The following MEI4 variants were observed in gnomAD, a reference collection of about 807,000 sequenced individuals.
MEI4 encodes the protein meiotic double-stranded break formation protein 4.
MEI4 carries 27 observed loss-of-function variants against 31.4 expected under a neutral mutation model. The observed-to-expected ratio is 0.86, with a 90% CI of 0.63 to 1.19. MEI4 has a LOEUF of 1.19. Ranked by LOEUF, MEI4 falls within the 50% of genes most tolerant of loss-of-function variation. MEI4 has a pLI of 0.00. For synonymous variants in MEI4, 122 were observed against 145.4 expected (o/e 0.84, Z 1.16); for missense variants, 329 against 398.9 (o/e 0.82, Z 1.49).
chr6:77,677,860 AAATT>A (rs752464166), intron 1 of MEI4, among the ~76,000 whole-genome samples: 6 of 152,222 alleles, frequency 3.9e-5, no homozygotes, highest in African/African-American at 7.2e-5. Context: ...CTACATGTAT[AAATT>A]AATTATTTTC....
intron 2 of MEI4, among the ~76,000 whole-genome samples, chr6:77,710,230 G>A (rs1022048368): frequency 6.6e-6 from 1 of 152,104 alleles, no homozygotes; most frequent in African/African-American, 2.4e-5. Context: ...GTAGTGCTGA[G>A]GAGCTTCCAT....
At chr6:77,788,917 T>A (rs540441761) in intron 3 of MEI4, among the ~76,000 whole-genome samples, 165 of 152,256 alleles carry the variant, frequency 1.1e-3, no homozygotes, top group Non-Finnish European at 2.1e-3. Context: ...AAAGTTCATA[T>A]GGAACCAAAA....
chr6:77,677,252 T>C (rs139079059), intron 1 of MEI4, among the ~76,000 whole-genome samples: 98 of 152,352 alleles, frequency 6.4e-4, no homozygotes, highest in African/African-American at 1.6e-3. Flanking sequence ...TAGCTTCAAC[T>C]GCCACCTGCA....
intron 4 of MEI4, among the ~76,000 whole-genome samples, chr6:77,846,257 A>G (rs1045921068): frequency 2.0e-5 from 3 of 151,912 alleles, no homozygotes; most frequent in Non-Finnish European, 4.4e-5. Flanking sequence ...TGGAATTTTA[A>G]TTCTTTTTTA....
At chr6:77,880,263 C>T (rs1049898557) in intron 4 of MEI4, among the ~76,000 whole-genome samples, 8 of 148,488 alleles carry the variant, frequency 5.4e-5, no homozygotes, top group African/African-American at 2.0e-4. Context: ...CAGAGTCTCA[C>T]TGTGTCGCCC....
chr6:77,736,141 T>A (rs1034383795), intron 2 of MEI4, among the ~76,000 whole-genome samples: 1 of 152,048 alleles, frequency 6.6e-6, no homozygotes, highest in Non-Finnish European at 1.5e-5. Flanking sequence ...CAGGCCTCCT[T>A]TGAGCTGTTG....
intron 4 of MEI4, among the ~76,000 whole-genome samples, chr6:77,913,978 G>A (rs1226883743): frequency 7.4e-5 from 11 of 149,202 alleles, no homozygotes; most frequent in Non-Finnish European, 1.5e-4. Flanking sequence ...AGCTTGCAGT[G>A]AGCCAAGATC....
At chr6:77,677,788 A>G (rs966093191) in intron 1 of MEI4, among the ~76,000 whole-genome samples, 1 of 152,226 alleles carries the variant, frequency 6.6e-6, no homozygotes, top group Non-Finnish European at 1.5e-5. Flanking sequence ...ATCCAGCGAA[A>G]TACATGTTTT....
In MEI4 at chr6:77,925,331, C is replaced by A. The variant is rs1156820118; in HGVS notation, c.*1985C>A. ...GAAACATTTTATTTCCATTTGGTAT[C>A]CATTTTATATAAACATTTAACTTCC... is the stretch of plus-strand genomic sequence containing the variant. On this transcript the variant is annotated 3_prime_UTR_variant, in exon 5 of 5. Transcript: ENST00000684080. The A allele has an allele frequency of 6.6e-6, 1 of 151,746 alleles. No homozygotes were observed. The highest frequency in any genetic ancestry group is 6.6e-5 in the Admixed American group (1 of 15,162). The allele number at this position is 151,746 out of a possible 1,614,324, so 9.4% of individuals were successfully genotyped here.
At chr6:77,735,048 C>T (rs955499540) in intron 2 of MEI4, among the ~76,000 whole-genome samples, 2 of 152,072 alleles carry the variant, frequency 1.3e-5, no homozygotes, top group African/African-American at 4.8e-5. Flanking sequence ...CCGTACCTTT[C>T]TCTCTGGCTG....
intron 3 of MEI4, among the ~76,000 whole-genome samples, chr6:77,809,915 C>G (rs1769534598): frequency 6.6e-6 from 1 of 152,092 alleles, no homozygotes; most frequent in African/African-American, 2.4e-5. Context: ...TCTAGCAGCT[C>G]TAGTTGTGTG....
chr6:77,855,343 T>TAA (rs879898671), intron 4 of MEI4, among the ~76,000 whole-genome samples: 16 of 142,634 alleles, frequency 1.1e-4, no homozygotes, highest in Non-Finnish European at 2.2e-4. Context: ...AGACTCCATC[T>TAA]AAAAAAAAAA....
At chr6:77,746,660 T>C (rs927860359) in intron 2 of MEI4, among the ~76,000 whole-genome samples, 3 of 149,652 alleles carry the variant, frequency 2.0e-5, no homozygotes, top group Non-Finnish European at 4.4e-5. Flanking sequence ...TGTGTGTGTG[T>C]GTGTGTGTGT....
chr6:77,794,436 G>C (rs1769024618), intron 3 of MEI4, among the ~76,000 whole-genome samples: 1 of 152,054 alleles, frequency 6.6e-6, no homozygotes, highest in African/African-American at 2.4e-5. Flanking sequence ...GGTGGTGGGT[G>C]CCTGTAGTCC....
intron 4 of MEI4, among the ~76,000 whole-genome samples, chr6:77,851,833 A>G (rs1361990430): frequency 6.6e-6 from 1 of 152,106 alleles, no homozygotes; most frequent in East Asian, 1.9e-4. Context: ...GATAGCTTCT[A>G]AAAGAGTGAA....
intron 3 of MEI4, among the ~76,000 whole-genome samples, chr6:77,813,145 G>A (rs1769613336): frequency 6.6e-6 from 1 of 152,044 alleles, no homozygotes; most frequent in African/African-American, 2.4e-5. Context: ...CCTGATCCCA[G>A]TATTTTTTAA....
intron 2 of MEI4, among the ~76,000 whole-genome samples, chr6:77,741,590 T>A (rs1767402490): frequency 6.6e-6 from 1 of 152,162 alleles, no homozygotes; most frequent in Admixed American, 6.5e-5. Context: ...TCCAGATGTT[T>A]GATCCAACAT....
At chr6:77,714,182 TTGTC>T (rs1416690307) in intron 2 of MEI4, among the ~76,000 whole-genome samples, 4 of 151,930 alleles carry the variant, frequency 2.6e-5, no homozygotes, top group African/African-American at 4.8e-5. Context: ...TGTGATGAAA[TTGTC>T]TGTACAACAC....
At chr6:77,915,782 G>C (rs1428729387) in intron 4 of MEI4, among the ~76,000 whole-genome samples, 1 of 152,000 alleles carries the variant, frequency 6.6e-6, no homozygotes, top group East Asian at 1.9e-4. Context: ...TGAGCTTCCT[G>C]TGTTTGGCTG....
Sources: gnomAD v4.1 joint callset for allele counts (sites outside exome capture counted in the v4.1 genomes callset) on GRCh38, gnomAD v4.1.1 for gene constraint, MANE v1.5 for transcripts, NCBI Gene and HGNC (gene_info 2026-07-23, HGNC 2026-07-21) for gene names.